Variants in PRKG1 observed in about 807,000 individuals in gnomAD.
PRKG1 encodes cGMP-dependent protein kinase 1.
Under a neutral mutation model 88.1 loss-of-function variants are expected in PRKG1, and 35 were observed. That is an observed-to-expected ratio of 0.40 (90% confidence interval 0.30 to 0.53). The LOEUF (loss-of-function observed/expected upper bound fraction) is 0.53, where lower values mean the gene tolerates loss of function less well. PRKG1 is among the 20% of genes least tolerant of loss of function. PRKG1 has a pLI of 0.59. For missense variants in PRKG1, 540 were observed against 839.8 expected, an observed-to-expected ratio of 0.64 and a Z score of 4.41; for synonymous variants, 303 against 292.5, an observed-to-expected ratio of 1.04 and a Z score of -0.37.
At chr10:51,046,072 C>G (rs1843484966) in intron 1 of PRKG1, among the ~76,000 whole-genome samples, 1 of 152,198 alleles carries the variant, frequency 6.6e-6, no homozygotes. Flanking sequence ...CTACACCCAG[C>G]CTTAGAAATG....
intron 4 of PRKG1, among the ~76,000 whole-genome samples, chr10:51,838,018 T>C (rs934965483): frequency 2.0e-5 from 3 of 152,092 alleles, no homozygotes; most frequent in Non-Finnish European, 4.4e-5. Context: ...CTGACTCTTA[T>C]CTGGGAAAGT....
At chr10:52,267,086 C>T (rs1370441191) in intron 10 of PRKG1, among the ~76,000 whole-genome samples, 4 of 151,842 alleles carry the variant, frequency 2.6e-5, no homozygotes, top group Non-Finnish European at 4.4e-5. Flanking sequence ...TAAATGGACA[C>T]AAGTGGACTT....
chr10:51,640,588 C>A (rs186553958), intron 3 of PRKG1, among the ~76,000 whole-genome samples: 3 of 152,106 alleles, frequency 2.0e-5, no homozygotes, highest in Admixed American at 6.5e-5. Flanking sequence ...ATTATTTTTT[C>A]TTGTTAAAGA....
At chr10:51,420,316 G>A (rs1346175779) in intron 2 of PRKG1, among the ~76,000 whole-genome samples, 1 of 152,114 alleles carries the variant, frequency 6.6e-6, no homozygotes, top group East Asian at 1.9e-4. Flanking sequence ...AATCAGCTGG[G>A]AATCTGCTTA....
chr10:51,930,244 G>T (rs574638054), intron 5 of PRKG1, among the ~76,000 whole-genome samples: 45 of 152,274 alleles, frequency 3.0e-4, no homozygotes, highest in African/African-American at 1.0e-3. Context: ...GGAGGAAAAT[G>T]AGGAGTTACT....
intron 2 of PRKG1, among the ~76,000 whole-genome samples, chr10:51,208,513 C>T (rs1838123785): frequency 6.6e-6 from 1 of 152,112 alleles, no homozygotes; most frequent in Non-Finnish European, 1.5e-5. Context: ...CATGAAGCTT[C>T]CTTTCTGTAA....
At position 52,271,416 on chromosome 10, in the gene PRKG1, G is replaced by A; in HGVS notation, c.1240G>A (p.Asp414Asn). 1 of 1,612,994 alleles carries A rather than the reference G, an allele frequency of 6.2e-7. No individual in the cohort carries two copies. Among genetic ancestry groups the A allele is most frequent in the Admixed American group, 1.7e-5 (1 of 59,852 alleles). Residue 414 changes from aspartate (D) to asparagine (N), a missense_variant, in exon 11 of 18, where the codon GAC becomes AAC. Asp to Asn is a conservative substitution (Grantham distance 23). This residue lies in a region of PRKG1 where 400 missense variants were observed against 562.7 expected (regional missense o/e 0.71). Coordinates refer to ENST00000373980, the MANE Select transcript of PRKG1 (RefSeq NM_006258.4). ...GATTCTCAAGAAACGTCACATTGTG[G>A]ACACAAGACAGCAGGAGCACATCCG... Reference protein sequence around the residue: ...MKILKKRHIVDTRQQEHIRSE... With the variant: ...MKILKKRHIVNTRQQEHIRSE...
At chr10:52,265,792 C>A (rs1841555963) in intron 10 of PRKG1, among the ~76,000 whole-genome samples, 1 of 152,016 alleles carries the variant, frequency 6.6e-6, no homozygotes, top group South Asian at 2.1e-4. Context: ...TTGTCAAAAT[C>A]CTTGTCAAAA....
At chr10:51,524,181 A>G (rs1186122138) in intron 3 of PRKG1, among the ~76,000 whole-genome samples, 1 of 152,142 alleles carries the variant, frequency 6.6e-6, no homozygotes, top group African/African-American at 2.4e-5. Flanking sequence ...TGAGGCTGTC[A>G]TGTTCCTGTA....
chr10:52,274,844 T>C (rs1189602142), intron 12 of PRKG1, among the ~76,000 whole-genome samples: 4 of 152,028 alleles, frequency 2.6e-5, no homozygotes, highest in Non-Finnish European at 5.9e-5. Context: ...CCAGGATCTA[T>C]TGGTTTTTTG....
At chr10:51,327,324 G>A (rs1216585436) in intron 2 of PRKG1, among the ~76,000 whole-genome samples, 1 of 151,608 alleles carries the variant, frequency 6.6e-6, no homozygotes, top group East Asian at 1.9e-4. Flanking sequence ...GCCTGAGATA[G>A]GAGGATTGCT....
At chr10:52,103,697 C>G (rs2132572115) in intron 7 of PRKG1, among the ~76,000 whole-genome samples, 1 of 152,048 alleles carries the variant, frequency 6.6e-6, no homozygotes, top group South Asian at 2.1e-4. Context: ...AGGGGATTGG[C>G]ACTCCAACCC....
chr10:51,123,141 C>A (rs988367106), intron 1 of PRKG1, among the ~76,000 whole-genome samples: 1 of 152,166 alleles, frequency 6.6e-6, no homozygotes, highest in Non-Finnish European at 1.5e-5. Flanking sequence ...ATACACCAAA[C>A]TTGTTCACTT....
chr10:51,844,909 G>A (rs183460076), intron 4 of PRKG1, among the ~76,000 whole-genome samples: 14 of 152,266 alleles, frequency 9.2e-5, no homozygotes, highest in Non-Finnish European at 1.9e-4. Flanking sequence ...ATATCTGACA[G>A]TGCTTTTTGA....
rs541070137 is a variant in PRKG1 at position 51,393,646 on chromosome 10, A to C, written c.479-74077A>C. ...GATGAAATTAGTTGTGGGGTGAGGC[A>C]GGTGGCATTGGCTCAGGACTCATAA... On this transcript the variant is annotated intron_variant, in intron 2 of 17. Coordinates refer to ENST00000373980, the MANE Select transcript of PRKG1 (RefSeq NM_006258.4). Among the ~76,000 whole-genome samples the C allele has an allele frequency of 3.9e-5, 6 of 152,312 alleles. No homozygotes were observed. The East Asian group carries it at 1.2e-3, about 29-fold the overall frequency.
intron 1 of PRKG1, among the ~76,000 whole-genome samples, chr10:51,119,089 A>C (rs1238552603): frequency 6.6e-6 from 1 of 152,084 alleles, no homozygotes; most frequent in African/African-American, 2.4e-5. Context: ...AAACGCAATA[A>C]ATTTACTGTC....
intron 3 of PRKG1, among the ~76,000 whole-genome samples, chr10:51,662,832 A>G (rs909279054): frequency 1.3e-5 from 2 of 152,108 alleles, no homozygotes; most frequent in Non-Finnish European, 2.9e-5. Flanking sequence ...AGCAAGTTCA[A>G]AGGTATAGAC....
intron 7 of PRKG1, among the ~76,000 whole-genome samples, chr10:52,067,047 CA>C (rs1846372076): frequency 6.6e-6 from 1 of 152,134 alleles, no homozygotes; most frequent in African/African-American, 2.4e-5. Context: ...ATATTTTTCA[CA>C]AGAAATTCCA....
intron 4 of PRKG1, among the ~76,000 whole-genome samples, chr10:51,875,165 A>G (rs116960315): frequency 6.6e-6 from 1 of 152,292 alleles, no homozygotes; most frequent in East Asian, 1.9e-4. Context: ...AGCTTTAGGA[A>G]TACTAGAAAT....
Sources: allele counts gnomAD v4.1 joint callset (sites outside exome capture counted in the v4.1 genomes callset), GRCh38; gene constraint gnomAD v4.1.1; regional missense constraint gnomAD v4.1.1; transcripts MANE v1.5; gene names NCBI Gene and HGNC (gene_info 2026-07-23, HGNC 2026-07-21).